The following PRDM1 variants were observed in gnomAD, a reference collection of about 807,000 sequenced individuals.
PRDM1 encodes the protein PR/SET domain 1.
Under a neutral mutation model 62.8 loss-of-function variants are expected in PRDM1, and 13 were observed. The ratio of observed to expected loss-of-function variants is 0.21; its 90% CI spans 0.13 to 0.33. The LOEUF (loss-of-function observed/expected upper bound fraction) is 0.33, where lower values mean the gene tolerates loss of function less well. Among genes scored for constraint, PRDM1 ranks in the 10% least tolerant of loss-of-function variants. PRDM1 has a pLI of 1.00. For missense variants in PRDM1, 895 were observed against 1,058.8 expected (o/e 0.85, Z 2.15); for synonymous variants, 396 against 417.6 (o/e 0.95, Z 0.63).
chr6:106,015,174 G>T (rs7772988), intron 1 of PRDM1, among the ~76,000 whole-genome samples: 4,703 of 152,280 alleles, frequency 0.031, 250 homozygotes, highest in African/African-American at 0.11. Context: ...ATGGAAATAA[G>T]GCTGCTTTGA....
At chr6:106,083,781 T>C (rs1211970084), upstream of PRDM1, among the ~76,000 whole-genome samples, 3 of 152,212 alleles carry the variant, frequency 2.0e-5, no homozygotes, top group Non-Finnish European at 2.9e-5. Flanking sequence ...ATATAGTGAC[T>C]AAAAATGCAC....
chr6:106,108,342 G>A lies in PRDM1; in HGVS notation c.*856G>A, dbSNP rs1259284931. The A allele has an allele frequency of 4.3e-6, 1 of 233,462 alleles. No individual in the cohort carries two copies. The highest frequency in any genetic ancestry group is 5.6e-5 in the Admixed American group (1 of 17,752). 14.5% of individuals were successfully genotyped at this position (233,462 alleles called of 1,614,324 possible). A position where few individuals can be genotyped will look rare whatever the true frequency, so the allele number is the denominator to read the frequency against. ...CGCCCTGCCCTCCCCACCGAGTCCT[G>A]TGGCCATTCAGAGCGGCCACATGAC... On this transcript the variant is annotated 3_prime_UTR_variant, in exon 7 of 7. Transcript: ENST00000369096.
Position 106,105,448 on chromosome 6 carries a change from A to T in PRDM1, c.1288A>T (p.Ser430Cys), listed in dbSNP as rs1439024417. The change falls in exon 5 of 7, where the codon AGC (serine) becomes TGC (cysteine). Residue 430 changes from serine (S) to cysteine (C), a missense_variant. Transcript: ENST00000369096. ...MNCNGLSAVS[S>C]MNGINNFGLF... ...TTGTAATGGCCTGAGCGCTGTGAGC[A>T]GCATGAATGGCATCAACAACTTTGG... The T allele has an allele frequency of 6.2e-7, 1 of 1,614,024 alleles. No individual in the cohort carries two copies. Among genetic ancestry groups the T allele is most frequent in the Non-Finnish European group, 8.5e-7 (1 of 1,180,030 alleles).
rs1772415750 is a variant in PRDM1 at position 106,000,677 on chromosome 6, C to A, written c.-67+7038C>A. Among the ~76,000 whole-genome samples, 3 of 152,088 alleles carry A rather than the reference C, an allele frequency of 2.0e-5. No homozygotes were observed. The South Asian group carries it at 6.2e-4, about 32-fold the overall frequency. On this transcript the variant is annotated intron_variant, in intron 1 of 6. Transcript: ENST00000652320. ...AGCTGACATAAATAGTATCATCATACACGTGTTCTTTTTAACTAAGCATTA... is the reference window on the plus strand; with the variant it reads ...AGCTGACATAAATAGTATCATCATAAACGTGTTCTTTTTAACTAAGCATTA...
At chr6:106,006,171 C>T (rs1384968149) in intron 1 of PRDM1, among the ~76,000 whole-genome samples, 1 of 152,202 alleles carries the variant, frequency 6.6e-6, no homozygotes, top group African/African-American at 2.4e-5. Flanking sequence ...TTGAGGCAAA[C>T]ATGCTGCGTG....
At chr6:105,996,118 A>G (rs1052730780) in intron 1 of PRDM1, among the ~76,000 whole-genome samples, 4 of 152,194 alleles carry the variant, frequency 2.6e-5, no homozygotes, top group African/African-American at 9.6e-5. Flanking sequence ...AAAATATAAC[A>G]TATTCCTGAT....
Position 106,106,602 on chromosome 6 carries a change from T to C in PRDM1, c.1902+103T>C, listed in dbSNP as rs1774498480. On this transcript the variant is annotated intron_variant, in intron 6 of 6. Coordinates refer to ENST00000369096, the MANE Select transcript of PRDM1 (RefSeq NM_001198.4). The surrounding 1 kb of genome is among the most constrained non-coding windows in gnomAD (Gnocchi z 4.4). ...CCCGTAGTTAAAGCCAACACCAGATTCTGCGTTGTCCCATCCTGGACTGAT... is the reference window on the plus strand; with the variant it reads ...CCCGTAGTTAAAGCCAACACCAGATCCTGCGTTGTCCCATCCTGGACTGAT... 5.4e-6 allele frequency: 8 copies of C among 1,485,202 alleles called. No homozygotes were observed. The Admixed American group carries it at 1.5e-4, about 28-fold the overall frequency. The allele number at this position is 1,485,202 out of a possible 1,614,324, so 92.0% of individuals were successfully genotyped here.
intron 1 of PRDM1, among the ~76,000 whole-genome samples, chr6:106,027,943 T>C (rs867218793): frequency 7.2e-5 from 11 of 152,206 alleles, no homozygotes; most frequent in African/African-American, 2.2e-4. Context: ...AAATAGTGAA[T>C]TTACCTACTT....
rs1053478370 is a variant in PRDM1 at position 106,007,957 on chromosome 6, C to T, written c.-67+14318C>T. ...GTGCATTCGCTCAATGTTTGTTCCA[C>T]GAAAAATGTACCGTTTTGATGAAAT... On this transcript the variant is annotated intron_variant, in intron 1 of 6. Transcript: ENST00000652320. 5.9e-5 allele frequency among the ~76,000 whole-genome samples: 9 copies of T among 152,300 alleles called. 1 individual carries two copies. In the Middle Eastern group the frequency reaches 0.01, roughly 173 times the overall value.
At chr6:106,041,422 T>C (rs765159240) in intron 1 of PRDM1, among the ~76,000 whole-genome samples, 1 of 152,256 alleles carries the variant, frequency 6.6e-6, no homozygotes, top group East Asian at 1.9e-4. Context: ...CTTTAGGTTA[T>C]TGCTGTTATG....
At position 106,109,443 on chromosome 6, in the gene PRDM1, T is replaced by C. The variant is rs997727348; in HGVS notation, c.*1957T>C. 2 of 233,612 alleles carry C rather than the reference T, an allele frequency of 8.6e-6. No individual in the cohort carries two copies. Among genetic ancestry groups the C allele is most frequent in the African/African-American group, 2.2e-5 (1 of 45,462 alleles). 14.5% of individuals were successfully genotyped at this position (233,612 alleles called of 1,614,324 possible). On this transcript the variant is annotated 3_prime_UTR_variant, in exon 7 of 7. Coordinates refer to ENST00000369096, the MANE Select transcript of PRDM1 (RefSeq NM_001198.4). Reference sequence around the variant, plus strand: ...TATTTTATAATTATATTTGACATTTTGTTCACATCAACTAATGTTCACCTG... The same window carrying C: ...TATTTTATAATTATATTTGACATTTCGTTCACATCAACTAATGTTCACCTG...
intron 1 of PRDM1, among the ~76,000 whole-genome samples, chr6:106,054,290 A>C (rs1164706486): frequency 6.6e-6 from 1 of 152,202 alleles, no homozygotes; most frequent in Non-Finnish European, 1.5e-5. Context: ...CTCTGAAGTA[A>C]ATGATTTGCC....
rs1774506809 is a variant in PRDM1 at position 106,106,866 on chromosome 6, C to A, written c.1903-45C>A. On this transcript the variant is annotated intron_variant, in intron 6 of 6. Transcript: ENST00000369096. The surrounding 1 kb of genome is among the most constrained non-coding windows in gnomAD (Gnocchi z 4.4). ...CCGTTGGCAACTCTTAATCTTCTGGCCTTCCTGTCTCCCTTCCCTGCTGTC... is the reference window on the plus strand; with the variant it reads ...CCGTTGGCAACTCTTAATCTTCTGGACTTCCTGTCTCCCTTCCCTGCTGTC... 1.3e-6 allele frequency: 2 copies of A among 1,548,646 alleles called. No individual in the cohort carries two copies. The highest frequency in any genetic ancestry group is 1.2e-5 in the South Asian group (1 of 84,142).
intron 3 of PRDM1, chr6:106,095,969 C>T: frequency 2.3e-6 from 1 of 437,140 alleles, no homozygotes; most frequent in Non-Finnish European, 4.2e-6. Context: ...TTGATTTTTG[C>T]AATTCATTAG....
intron 1 of PRDM1, among the ~76,000 whole-genome samples, chr6:106,059,979 A>C (rs1773319893): frequency 6.6e-6 from 1 of 152,230 alleles, no homozygotes; most frequent in African/African-American, 2.4e-5. Context: ...TTTTGGATTA[A>C]GATTGATATG....
intron 1 of PRDM1, among the ~76,000 whole-genome samples, chr6:106,013,493 A>G (rs1237500809): frequency 6.6e-6 from 1 of 151,654 alleles, no homozygotes; most frequent in African/African-American, 2.4e-5. Flanking sequence ...ACACTCGGCT[A>G]ATTTTTGTAT....
intron 1 of PRDM1, among the ~76,000 whole-genome samples, chr6:106,005,994 G>A (rs1299064176): frequency 6.6e-6 from 1 of 152,188 alleles, no homozygotes; most frequent in Non-Finnish European, 1.5e-5. Context: ...GACTGGTTTT[G>A]TGACTCTAGA....
chr6:105,998,418 A>T (rs1244807254), intron 1 of PRDM1, among the ~76,000 whole-genome samples: 5 of 152,186 alleles, frequency 3.3e-5, no homozygotes, highest in Non-Finnish European at 7.3e-5. Context: ...AATATAAGAC[A>T]TACTTGAAAA....
intron 1 of PRDM1, among the ~76,000 whole-genome samples, chr6:106,061,952 G>A (rs1582445071): frequency 6.6e-6 from 1 of 152,164 alleles, no homozygotes; most frequent in South Asian, 2.1e-4. Context: ...AGTTAATTCT[G>A]TTGATCCATT....
Sources: allele counts gnomAD v4.1 joint callset (sites outside exome capture counted in the v4.1 genomes callset), GRCh38; gene constraint gnomAD v4.1.1; non-coding constraint Gnocchi (gnomAD v3.1); transcripts MANE v1.5; gene names NCBI Gene and HGNC (gene_info 2026-07-23, HGNC 2026-07-21).